Variants in RAD51B observed in about 807,000 individuals in gnomAD.
RAD51B encodes DNA repair protein RAD51 homolog 2.
Under a neutral mutation model 42.2 loss-of-function variants are expected in RAD51B, and 38 were observed. The ratio of observed to expected loss-of-function variants is 0.90; its 90% CI spans 0.70 to 1.18. RAD51B has a LOEUF of 1.18. RAD51B is among the 50% of genes most tolerant of loss of function. The pLI is 0.00. For synonymous variants in RAD51B, 154 were observed against 145.2 expected (o/e 1.06, Z -0.43); for missense variants, 373 against 400.7 (o/e 0.93, Z 0.59).
chr14:68,164,260 C>T (rs551022407), intron 7 of RAD51B, among the ~76,000 whole-genome samples: 2 of 152,128 alleles, frequency 1.3e-5, no homozygotes, highest in African/African-American at 4.8e-5. Flanking sequence ...ATTTCCTTTC[C>T]TTTAATAAAA....
chr14:67,917,684 T>C (rs2044200665), intron 7 of RAD51B, among the ~76,000 whole-genome samples: 1 of 152,164 alleles, frequency 6.6e-6, no homozygotes. Flanking sequence ...TTCCTGACGA[T>C]TTGAGTATGT....
At chr14:68,471,020 C>A (rs574222148) in intron 10 of RAD51B, among the ~76,000 whole-genome samples, 27 of 152,312 alleles carry the variant, frequency 1.8e-4, no homozygotes, top group Non-Finnish European at 3.5e-4. Flanking sequence ...AACCCTTGGT[C>A]CCTGGGTGGA....
intron 8 of RAD51B, among the ~76,000 whole-genome samples, chr14:68,405,451 A>G (rs1313059888): frequency 6.6e-6 from 1 of 152,166 alleles, no homozygotes; most frequent in East Asian, 1.9e-4. Flanking sequence ...TCTAAAAAAA[A>G]ATTTAAAAAT....
At chr14:68,249,049 C>T (rs2080562727) in intron 7 of RAD51B, among the ~76,000 whole-genome samples, 1 of 152,250 alleles carries the variant, frequency 6.6e-6, no homozygotes, top group Admixed American at 6.5e-5. Context: ...ATGCTGCCCT[C>T]ACTAACTCAG....
chr14:68,212,032 C>G (rs985279749), intron 7 of RAD51B, among the ~76,000 whole-genome samples: 1 of 152,214 alleles, frequency 6.6e-6, no homozygotes, highest in Non-Finnish European at 1.5e-5. Flanking sequence ...TGTAAATCAA[C>G]ACATTGGCAT....
chr14:68,532,338 G>C (rs1291862796), intron 10 of RAD51B, among the ~76,000 whole-genome samples: 2 of 151,538 alleles, frequency 1.3e-5, no homozygotes, highest in Non-Finnish European at 2.9e-5. Context: ...ACCCTAGCAG[G>C]GCTGCTCCAG....
At chr14:68,494,333 A>G (rs1003469647) in intron 10 of RAD51B, among the ~76,000 whole-genome samples, 5 of 151,774 alleles carry the variant, frequency 3.3e-5, no homozygotes, top group African/African-American at 7.3e-5. Flanking sequence ...TATTAGAAAA[A>G]GGGTGGGGGT....
At chr14:67,871,072 G>T (rs1188857140) in intron 5 of RAD51B, among the ~76,000 whole-genome samples, 1 of 152,064 alleles carries the variant, frequency 6.6e-6, no homozygotes, top group Non-Finnish European at 1.5e-5. Flanking sequence ...CAGAAGGCAG[G>T]AAATAACTAA....
chr14:68,059,826 C>T (rs923690282), intron 7 of RAD51B, among the ~76,000 whole-genome samples: 5 of 152,170 alleles, frequency 3.3e-5, no homozygotes, highest in Non-Finnish European at 7.3e-5. Flanking sequence ...CTATCCCACA[C>T]ATAATGTATG....
At chr14:68,491,839 T>C (rs917358329) in intron 10 of RAD51B, among the ~76,000 whole-genome samples, 13 of 152,226 alleles carry the variant, frequency 8.5e-5, no homozygotes, top group Non-Finnish European at 1.9e-4. Context: ...TATGACCTCC[T>C]CTCCAGTTTT....
At chr14:68,550,728 A>C (rs1219371708) in intron 10 of RAD51B, among the ~76,000 whole-genome samples, 1 of 152,186 alleles carries the variant, frequency 6.6e-6, no homozygotes, top group Non-Finnish European at 1.5e-5. Context: ...GATGGGCGAA[A>C]ACTCTGGAAG....
intron 7 of RAD51B, among the ~76,000 whole-genome samples, chr14:68,197,364 T>A (rs973433171): frequency 2.0e-5 from 3 of 152,194 alleles, no homozygotes; most frequent in African/African-American, 7.2e-5. Flanking sequence ...TTTTTGTTAA[T>A]TCCTTTTTTA....
chr14:68,472,792 C>A (rs2086159050), intron 10 of RAD51B, among the ~76,000 whole-genome samples: 1 of 152,128 alleles, frequency 6.6e-6, no homozygotes, highest in African/African-American at 2.4e-5. Context: ...ATATCTCCAA[C>A]CACTTGGCAT....
intron 11 of RAD51B, among the ~76,000 whole-genome samples, chr14:68,656,027 A>G (rs894928997): frequency 6.6e-6 from 1 of 152,172 alleles, no homozygotes; most frequent in Non-Finnish European, 1.5e-5. Flanking sequence ...AGGGCCTTCT[A>G]AGAGCCAGGC....
chr14:67,851,043 G>A (rs1941528071), intron 4 of RAD51B, among the ~76,000 whole-genome samples: 1 of 152,158 alleles, frequency 6.6e-6, no homozygotes, highest in South Asian at 2.1e-4. Context: ...GCTCTCCAAT[G>A]TGATGACTCT....
chr14:68,371,036 C>CAAAAAAAAAAAAAAAA (rs75617123), intron 8 of RAD51B, among the ~76,000 whole-genome samples: 3 of 26,090 alleles, frequency 1.1e-4, no homozygotes, highest in East Asian at 1.6e-3. Flanking sequence ...GACTCTGTCT[C>CAAAAAAAAAAAAAAAA]AAAAAAAAAA....
intron 7 of RAD51B, among the ~76,000 whole-genome samples, chr14:67,987,580 TAGA>T (rs2075216147): frequency 6.6e-6 from 1 of 151,784 alleles, no homozygotes; most frequent in Non-Finnish European, 1.5e-5. Context: ...CAAGAACTCT[TAGA>T]AGATCTTTTT....
chr14:68,458,260 A>G (rs920041282), intron 9 of RAD51B, among the ~76,000 whole-genome samples: 2 of 152,234 alleles, frequency 1.3e-5, no homozygotes, highest in African/African-American at 4.8e-5. Context: ...CCTGGGTTCA[A>G]GTAATAAAAT....
chr14:67,892,172 G>A (rs2043238339), intron 7 of RAD51B, among the ~76,000 whole-genome samples: 1 of 152,054 alleles, frequency 6.6e-6, no homozygotes. Flanking sequence ...CTTACTGTTG[G>A]CTCACTCACA....
Sources: gnomAD v4.1 joint callset for allele counts (sites outside exome capture counted in the v4.1 genomes callset) on GRCh38, gnomAD v4.1.1 for gene constraint, MANE v1.5 for transcripts, NCBI Gene and HGNC (gene_info 2026-07-23, HGNC 2026-07-21) for gene names.